The following IMMP2L variants were observed in gnomAD, a reference collection of about 807,000 sequenced individuals.
IMMP2L encodes mitochondrial inner membrane protease subunit 2.
In IMMP2L, 18 loss-of-function variants were observed where a neutral mutation model predicts 19.3. The observed-to-expected ratio is 0.93, with a 90% confidence interval of 0.64 to 1.38. IMMP2L has a LOEUF of 1.38. Ranked by LOEUF, IMMP2L falls within the 40% of genes most tolerant of loss-of-function variation. The pLI, the probability that IMMP2L is intolerant of heterozygous loss-of-function variation, is 0.00. For missense variants in IMMP2L, 233 were observed against 218.2 expected (o/e 1.07, Z -0.43); for synonymous variants, 76 against 73.0 (o/e 1.04, Z -0.21).
At chr7:110,667,528 G>T (rs1430388493) in intron 5 of IMMP2L, among the ~76,000 whole-genome samples, 1 of 152,064 alleles carries the variant, frequency 6.6e-6, no homozygotes, top group Non-Finnish European at 1.5e-5. Flanking sequence ...TAATCACAAG[G>T]GTCCTAAACA....
chr7:111,256,791 G>C (rs1449808421), intron 3 of IMMP2L, among the ~76,000 whole-genome samples: 1 of 151,922 alleles, frequency 6.6e-6, no homozygotes, highest in Non-Finnish European at 1.5e-5. Context: ...CATATACTGT[G>C]AATTCACACC....
In IMMP2L at chr7:110,882,694, A is replaced by T. The variant is rs533812035; in HGVS notation, c.408+3899T>A. On this transcript the variant is annotated intron_variant, in intron 5 of 5. Transcript: ENST00000405709. ...CCATGCCCAGCTGTCAAGTGCTCTT[A>T]ATATAAAAAGTCCCATTCTTTCATC... Among the ~76,000 whole-genome samples, 17 of 152,002 alleles carry T rather than the reference A, an allele frequency of 1.1e-4. No homozygotes were observed. The East Asian group carries it at 3.3e-3, about 30-fold the overall frequency.
chr7:111,513,522 T>C (rs1451252827), intron 2 of IMMP2L, among the ~76,000 whole-genome samples: 1 of 152,092 alleles, frequency 6.6e-6, no homozygotes, highest in Non-Finnish European at 1.5e-5. Flanking sequence ...TGTAAATTAG[T>C]TCAACCATTA....
At chr7:110,842,331 G>A (rs1335563401) in intron 5 of IMMP2L, among the ~76,000 whole-genome samples, 1 of 152,110 alleles carries the variant, frequency 6.6e-6, no homozygotes, top group Admixed American at 6.5e-5. Context: ...AATCTCTCTG[G>A]ATGCTGGGCC....
chr7:111,234,249 A>G (rs1323269982), intron 3 of IMMP2L, among the ~76,000 whole-genome samples: 1 of 152,100 alleles, frequency 6.6e-6, no homozygotes, highest in East Asian at 1.9e-4. Flanking sequence ...TCTGTTATAG[A>G]TACCTAATTT....
chr7:111,476,415 T>G (rs1196301012), intron 3 of IMMP2L, among the ~76,000 whole-genome samples: 1 of 152,240 alleles, frequency 6.6e-6, no homozygotes, highest in Non-Finnish European at 1.5e-5. Flanking sequence ...TAGAACTGTT[T>G]GTATTTTTTA....
intron 3 of IMMP2L, among the ~76,000 whole-genome samples, chr7:111,146,040 A>C (rs1482936776): frequency 6.6e-6 from 1 of 152,124 alleles, no homozygotes; most frequent in Non-Finnish European, 1.5e-5. Context: ...ATTTTGTCTG[A>C]AGGTTAAAAA....
At chr7:111,035,708 A>G (rs1791273746) in intron 3 of IMMP2L, among the ~76,000 whole-genome samples, 1 of 152,210 alleles carries the variant, frequency 6.6e-6, no homozygotes, top group Non-Finnish European at 1.5e-5. Flanking sequence ...GAAATGTTGC[A>G]CATCACGTTA....
intron 3 of IMMP2L, among the ~76,000 whole-genome samples, chr7:111,111,619 A>C (rs987869289): frequency 1.8e-4 from 27 of 152,046 alleles, no homozygotes; most frequent in African/African-American, 6.3e-4. Flanking sequence ...AATTCACCAT[A>C]AAGCTCTTAC....
intron 5 of IMMP2L, among the ~76,000 whole-genome samples, chr7:110,812,040 A>T (rs1802076947): frequency 3.9e-5 from 6 of 152,012 alleles, no homozygotes; most frequent in Admixed American, 3.9e-4. Context: ...GTCCAACCTT[A>T]TTTCTCTGAC....
intron 3 of IMMP2L, among the ~76,000 whole-genome samples, chr7:111,002,213 GTATAGGTAAAAATTACCCTAA>G (rs1823783114): frequency 6.6e-6 from 1 of 152,186 alleles, no homozygotes; most frequent in South Asian, 2.1e-4. Flanking sequence ...AAGACACAAG[GTATAGGTAAAAATTACCCTAA>G]GGTAATAGAA....
At chr7:111,108,818 G>A (rs1384195096) in intron 3 of IMMP2L, among the ~76,000 whole-genome samples, 1 of 151,976 alleles carries the variant, frequency 6.6e-6, no homozygotes, top group Non-Finnish European at 1.5e-5. Flanking sequence ...ACCTCGTACA[G>A]CAAATTTTTT....
At chr7:111,458,393 C>T (rs539640354) in intron 3 of IMMP2L, among the ~76,000 whole-genome samples, 1 of 151,752 alleles carries the variant, frequency 6.6e-6, no homozygotes, top group Non-Finnish European at 1.5e-5. Context: ...AAAAAAAAAA[C>T]TTATGGAATG....
intron 3 of IMMP2L, among the ~76,000 whole-genome samples, chr7:111,453,840 T>C (rs549063150): frequency 6.6e-6 from 1 of 152,170 alleles, no homozygotes. Context: ...AATGATTGCC[T>C]TATAATAAGC....
intron 3 of IMMP2L, among the ~76,000 whole-genome samples, chr7:111,167,439 C>T (rs1215419373): frequency 2.6e-5 from 4 of 151,972 alleles, no homozygotes; most frequent in Non-Finnish European, 1.5e-5. Context: ...CAAAACCTTG[C>T]TGGTTTACCT....
At chr7:110,994,548 C>T (rs147788588) in intron 3 of IMMP2L, among the ~76,000 whole-genome samples, 2 of 152,252 alleles carry the variant, frequency 1.3e-5, no homozygotes, top group East Asian at 1.9e-4. Flanking sequence ...TTTGACCATA[C>T]TGATGCCAGA....
chr7:111,091,017 C>A (rs1351398321), intron 3 of IMMP2L: 1 of 152,166 alleles, frequency 6.6e-6, no homozygotes, highest in Non-Finnish European at 1.5e-5. Context: ...TTCAGCCAAC[C>A]AGACTGGAGC....
At chr7:111,521,105 ATAGT>A (rs1846286148) in intron 2 of IMMP2L, among the ~76,000 whole-genome samples, 2 of 152,170 alleles carry the variant, frequency 1.3e-5, no homozygotes, top group South Asian at 2.1e-4. Context: ...CAGAGAACTG[ATAGT>A]TACTTTTATT....
At chr7:111,222,399 C>G (rs1044627160) in intron 3 of IMMP2L, among the ~76,000 whole-genome samples, 2 of 151,386 alleles carry the variant, frequency 1.3e-5, no homozygotes, top group African/African-American at 2.4e-5. Flanking sequence ...AAGCCACAGA[C>G]GAGATATTTT....
Sources: gnomAD v4.1 joint callset for allele counts (sites outside exome capture counted in the v4.1 genomes callset) on GRCh38, gnomAD v4.1.1 for gene constraint, MANE v1.5 for transcripts, NCBI Gene and HGNC (gene_info 2026-07-23, HGNC 2026-07-21) for gene names.